RAI14: variants seen among roughly 807,000 people sequenced by gnomAD.
RAI14 encodes ankycorbin.
A neutral mutation model predicts 115.4 loss-of-function variants in RAI14; 45 were observed. The ratio of observed to expected loss-of-function variants is 0.39; its 90% CI spans 0.31 to 0.50. The LOEUF is 0.50. Ranked by LOEUF, RAI14 falls within the 20% of genes least tolerant of loss-of-function variation. The probability of loss-of-function intolerance (pLI) is 0.85; values close to 1 mark genes in which losing one functional copy is unlikely to be tolerated. For missense variants in RAI14, 939 were observed against 1,131.2 expected (o/e 0.83, Z 2.44); for synonymous variants, 371 against 415.4 (o/e 0.89, Z 1.30).
chr5:34,713,680 C>T lies in RAI14; in HGVS notation c.36+26725C>T, dbSNP rs111563431. On this transcript the variant is annotated intron_variant, in intron 2 of 17. Coordinates refer to ENST00000265109, the MANE Select transcript of RAI14 (RefSeq NM_015577.3). The stretch of plus-strand genomic sequence containing the variant: ...ACTCCCAAAGTATTGGGATTACAGG[C>T]GTGAGCCGCCGTACTTGGCTGAGGA... Among the ~76,000 whole-genome samples the T allele has an allele frequency of 1.3e-3, 201 of 152,330 alleles. 1 individual carries two copies. The highest frequency in any genetic ancestry group is 4.5e-3 in the African/African-American group (189 of 41,572).
chr5:34,671,260 T>C (rs1187630883), intron 1 of RAI14, among the ~76,000 whole-genome samples: 1 of 152,130 alleles, frequency 6.6e-6, no homozygotes, highest in East Asian at 1.9e-4. Flanking sequence ...ATAGCAGACA[T>C]CGTCTTCTCG....
At chr5:34,718,757 G>A (rs982590237) in intron 2 of RAI14, among the ~76,000 whole-genome samples, 14 of 152,168 alleles carry the variant, frequency 9.2e-5, no homozygotes, top group African/African-American at 2.4e-4. Context: ...CAGCTTCCTC[G>A]TCTTTAAAAT....
chr5:34,665,149 ATATGTGTG>A lies in RAI14; in HGVS notation c.-49+8676_-49+8683del, dbSNP rs1743061538. ...TGTATGTGTATATATATACACATAT[ATATGTGTG>A]TGTATATATATATATACACACATAT... On this transcript the variant is annotated intron_variant, in intron 1 of 17. Coordinates refer to ENST00000265109, the MANE Select transcript of RAI14 (RefSeq NM_015577.3). Among the ~76,000 whole-genome samples, 59 of 59,546 alleles carry A rather than the reference ATATGTGTG, an allele frequency of 9.9e-4. 14 individuals are homozygous for A. Among genetic ancestry groups the A allele is most frequent in the Middle Eastern group, 8.3e-3 (1 of 120 alleles). 39.1% of individuals were successfully genotyped at this position (59,546 alleles called of 152,430 possible).
chr5:34,798,361 T>TTA (rs1554006835), intron 4 of RAI14, among the ~76,000 whole-genome samples: 56,001 of 149,836 alleles, frequency 0.37, 10,974 homozygotes, highest in Admixed American at 0.5. Flanking sequence ...TTTTTTTTTT[T>TTA]AATACATGCT....
chr5:34,786,676 TC>T (rs1214196796), intron 3 of RAI14, among the ~76,000 whole-genome samples: 3 of 152,144 alleles, frequency 2.0e-5, no homozygotes, highest in Non-Finnish European at 4.4e-5. Context: ...TCCGCTTGGT[TC>T]CACATTTTCC....
chr5:34,794,675 C>G (rs1285487793), intron 3 of RAI14, among the ~76,000 whole-genome samples: 1 of 152,120 alleles, frequency 6.6e-6, no homozygotes, highest in Non-Finnish European at 1.5e-5. Flanking sequence ...GAAATTTAGG[C>G]ACAGAGAGGT....
chr5:34,658,467 C>T (rs2149835918), intron 1 of RAI14, among the ~76,000 whole-genome samples: 1 of 152,160 alleles, frequency 6.6e-6, no homozygotes, highest in East Asian at 1.9e-4. Flanking sequence ...CCCCTCCCTC[C>T]CTTCCTTCTT....
chr5:34,814,322 C>T (rs1033624860), intron 11 of RAI14, among the ~76,000 whole-genome samples: 2 of 152,142 alleles, frequency 1.3e-5, no homozygotes, highest in African/African-American at 4.8e-5. Flanking sequence ...TATTAATATT[C>T]TTAACCTGCA....
intron 2 of RAI14, among the ~76,000 whole-genome samples, chr5:34,755,352 TCTTA>T (rs1747749628): frequency 6.6e-6 from 1 of 152,166 alleles, no homozygotes; most frequent in African/African-American, 2.4e-5. Flanking sequence ...CCAGACACAT[TCTTA>T]CTTTGTTAAA....
chr5:34,687,934 A>G, intron 2 of RAI14: 1 of 940,528 alleles, frequency 1.1e-6, no homozygotes, highest in South Asian at 1.8e-5. Flanking sequence ...CTGCATCATG[A>G]CATGTAACTT....
intron 3 of RAI14, among the ~76,000 whole-genome samples, chr5:34,760,790 G>A (rs1235675026): frequency 6.6e-6 from 1 of 152,092 alleles, no homozygotes; most frequent in Non-Finnish European, 1.5e-5. Flanking sequence ...ACAATGTAGA[G>A]GCATTAAGTA....
In RAI14 at chr5:34,824,316, G is replaced by C; in HGVS notation, c.2474G>C (p.Arg825Thr). 1 of 1,614,188 alleles carries C rather than the reference G, an allele frequency of 6.2e-7. No homozygotes were observed. The highest frequency in any genetic ancestry group is 8.5e-7 in the Non-Finnish European group (1 of 1,180,018). ...EKVHSEVVQI[R>T]SEVSQVKREK... ...GTCCATTCAGAGGTTGTCCAGATTA[G>C]AAGTGAGGTCTCACAGGTGAAAAGA... Residue 825 changes from arginine (R) to threonine (T), a missense_variant, in exon 15 of 18, where the codon AGA becomes ACA. Arg to Thr is a moderately conservative substitution (Grantham distance 71). Transcript: ENST00000265109.
intron 3 of RAI14, among the ~76,000 whole-genome samples, chr5:34,780,456 T>G (rs571636939): frequency 6.6e-6 from 1 of 151,812 alleles, no homozygotes; most frequent in Non-Finnish European, 1.5e-5. Context: ...TGGGAAAAAA[T>G]TTTTGCAATG....
chr5:34,731,847 G>A (rs1744224419), intron 2 of RAI14, among the ~76,000 whole-genome samples: 1 of 152,264 alleles, frequency 6.6e-6, no homozygotes, highest in Non-Finnish European at 1.5e-5. Context: ...AAGCAAGGCA[G>A]TTGAGAATTA....
At chr5:34,752,703 ATGTGTGTGTGTGTGTGTGTGTG>A (rs71600953) in intron 2 of RAI14, among the ~76,000 whole-genome samples, 3 of 83,012 alleles carry the variant, frequency 3.6e-5, no homozygotes, top group Admixed American at 2.4e-4. Context: ...TCTTACATAT[ATGTGTGTGTGTGTGTGTGTGTG>A]TGTGTGTGTG....
At position 34,806,024 on chromosome 5, in the gene RAI14, A is replaced by G. The variant is rs553885857; in HGVS notation, c.322-1776A>G. ...TCTGGTAAACAATCCACAAATAAAC[A>G]TTACAGATTGCACAGCAGTAAAAAG... On this transcript the variant is annotated intron_variant, in intron 5 of 17. Transcript: ENST00000265109. 2.3e-3 allele frequency among the ~76,000 whole-genome samples: 357 copies of G among 152,280 alleles called. 1 individual carries two copies. The highest frequency in any genetic ancestry group is 8.4e-3 in the African/African-American group (349 of 41,572).
intron 3 of RAI14, among the ~76,000 whole-genome samples, chr5:34,772,374 T>C (rs2150134992): frequency 6.6e-6 from 1 of 152,308 alleles, no homozygotes; most frequent in South Asian, 2.1e-4. Context: ...GTTTTTGCCA[T>C]ACTTTTAATG....
chr5:34,766,521 C>A (rs1749392281), intron 3 of RAI14, among the ~76,000 whole-genome samples: 1 of 152,126 alleles, frequency 6.6e-6, no homozygotes, highest in Non-Finnish European at 1.5e-5. Flanking sequence ...TTGTTTTGGC[C>A]AATTTCTCCC....
intron 10 of RAI14, 127 bp from the exon 11 acceptor site, chr5:34,813,447 A>T: frequency 1.8e-6 from 1 of 568,532 alleles, no homozygotes; most frequent in Middle Eastern, 2.7e-4. Flanking sequence ...AGCAGATTTC[A>T]GATTTTGATA....
Sources: gnomAD v4.1 joint callset for allele counts (sites outside exome capture counted in the v4.1 genomes callset) on GRCh38, gnomAD v4.1.1 for gene constraint, MANE v1.5 for transcripts, NCBI Gene and HGNC (gene_info 2026-07-23, HGNC 2026-07-21) for gene names.